CABIN1: variants seen among roughly 807,000 people sequenced by gnomAD.
The protein encoded by CABIN1 is calcineurin binding protein 1.
Under a neutral mutation model 227.7 loss-of-function variants are expected in CABIN1, and 133 were observed. That is an observed-to-expected ratio of 0.58 (90% CI 0.51 to 0.67). The LOEUF is 0.67. Ranked by LOEUF, CABIN1 falls within the 30% of genes least tolerant of loss-of-function variation. The pLI, the probability that CABIN1 is intolerant of heterozygous loss-of-function variation, is 0.00. For synonymous variants in CABIN1, 1,086 were observed against 1,155.1 expected, an observed-to-expected ratio of 0.94 and a Z score of 1.21; for missense variants, 2,408 against 2,852.5, an observed-to-expected ratio of 0.84 and a Z score of 3.55.
chr22:24,098,827 T>C (rs1156266920), intron 26 of CABIN1, among the ~76,000 whole-genome samples: 2 of 152,172 alleles, frequency 1.3e-5, no homozygotes, highest in Non-Finnish European at 2.9e-5. Flanking sequence ...AGTGATAAGC[T>C]AGTGACAAAG....
Position 24,167,066 on chromosome 22 carries a change from C to T in CABIN1, c.5435C>T (p.Pro1812Leu), listed in dbSNP as rs529900288. Residue 1812 changes from proline to leucine, a missense_variant, in exon 32 of 37, where the codon CCG becomes CTG. Pro to Leu is a moderately conservative substitution (Grantham distance 98, BLOSUM62 -3). Transcript: ENST00000263119. ...LSISARQQPTPLTPAQPAPAP... is the reference protein window; with the variant it reads ...LSISARQQPTLLTPAQPAPAP... ...ATCAGTGCCCGGCAGCAGCCCACCCCGCTCACCCCAGCCCAGCCAGCCCCC... is the reference window on the plus strand; with the variant it reads ...ATCAGTGCCCGGCAGCAGCCCACCCTGCTCACCCCAGCCCAGCCAGCCCCC... The T allele has an allele frequency of 9.7e-6, 15 of 1,545,142 alleles. No homozygotes were observed. The highest frequency in any genetic ancestry group is 8.2e-5 in the African/African-American group (6 of 72,990).
At chr22:24,015,414 G>A (rs1027707871) in intron 1 of CABIN1, among the ~76,000 whole-genome samples, 19 of 148,200 alleles carry the variant, frequency 1.3e-4, no homozygotes, top group Non-Finnish European at 1.2e-4. Context: ...GCGCTATCTC[G>A]GCTCACTGCA....
intron 16 of CABIN1, among the ~76,000 whole-genome samples, chr22:24,067,781 T>C (rs564850905): frequency 6.6e-5 from 10 of 152,254 alleles, no homozygotes; most frequent in African/African-American, 2.2e-4. Context: ...ATGACCAATG[T>C]CCTTAGCTCA....
intron 31 of CABIN1, 133 bp from the exon 32 acceptor site, chr22:24,166,506 C>A: frequency 9.0e-7 from 1 of 1,107,702 alleles, no homozygotes; most frequent in East Asian, 2.3e-5. Context: ...ACAGCCCTGG[C>A]CAGCTGGCAG....
At chr22:24,018,422 A>G (rs564716132) in intron 1 of CABIN1, among the ~76,000 whole-genome samples, 1 of 152,320 alleles carries the variant, frequency 6.6e-6, no homozygotes, top group South Asian at 2.1e-4. Flanking sequence ...ATTCACCAGT[A>G]TCTCCTTTAG....
chr22:24,143,442 C>T (rs2148363491), intron 29 of CABIN1, among the ~76,000 whole-genome samples: 1 of 152,332 alleles, frequency 6.6e-6, no homozygotes, highest in South Asian at 2.1e-4. Flanking sequence ...TGTCTGCTAG[C>T]CTGAGCCCCC....
intron 25 of CABIN1, 77 bp downstream of exon 25, chr22:24,096,159 T>C: frequency 6.6e-7 from 1 of 1,515,438 alleles, no homozygotes; most frequent in Non-Finnish European, 9.2e-7. Context: ...TGCAATGTGT[T>C]GTTCAGAGGG....
At chr22:24,038,634 T>A (rs2147025040) in intron 4 of CABIN1, among the ~76,000 whole-genome samples, 173 bp downstream of exon 4, 1 of 152,278 alleles carries the variant, frequency 6.6e-6, no homozygotes, top group Admixed American at 6.5e-5. Context: ...CTCATTGAGT[T>A]TTTATGAGGG....
chr22:24,011,451 T>A (rs1239019163), intron 1 of CABIN1, 84 bp downstream of exon 1: 5 of 152,438 alleles, frequency 3.3e-5, no homozygotes, highest in African/African-American at 1.2e-4. Flanking sequence ...CCGGAGGGGC[T>A]GCAGGCGCGA....
At chr22:24,172,075 G>T in intron 34 of CABIN1, 80 bp downstream of exon 34, 1 of 1,503,912 alleles carries the variant, frequency 6.6e-7, no homozygotes, top group South Asian at 1.2e-5. Flanking sequence ...TGTGAGTATG[G>T]GTAAGGGAGG....
At chr22:24,049,356 C>T (rs1311202503) in intron 7 of CABIN1, 136 bp downstream of exon 7, 7 of 1,086,350 alleles carry the variant, frequency 6.4e-6, no homozygotes, top group Non-Finnish European at 9.6e-6. Context: ...CTGCCGCAGC[C>T]CCTGATCTAG....
chr22:24,038,362 T>C lies in CABIN1; in HGVS notation c.111T>C (p.Phe37=). 6.2e-7 allele frequency: 1 copy of C among 1,613,834 alleles called. No homozygotes were observed. Among genetic ancestry groups the C allele is most frequent in the Admixed American group, 1.7e-5 (1 of 60,034 alleles). The change falls in exon 4 of 37, where the codon TTT becomes TTC. Residue 37 remains phenylalanine, a synonymous_variant. Coordinates refer to ENST00000263119, the MANE Select transcript of CABIN1 (RefSeq NM_012295.4). ...QTKEAQEAEA[F]ALYHKALDLQ... Reference sequence around the variant, plus strand: ...TTGATTTGCAGGAAGCAGAGGCTTTTGCATTGTACCACAAGGCCCTTGATC... The same window carrying C: ...TTGATTTGCAGGAAGCAGAGGCTTTCGCATTGTACCACAAGGCCCTTGATC...
chr22:24,059,335 A>G lies in CABIN1; in HGVS notation c.1371A>G (p.Ser457=), dbSNP rs1490490749. 2.2e-5 allele frequency: 35 copies of G among 1,614,194 alleles called. No homozygotes were observed. The highest frequency in any genetic ancestry group is 2.7e-5 in the Non-Finnish European group (32 of 1,180,018). Residue 457 remains serine (S), a synonymous_variant, in exon 11 of 37, where the codon TCA becomes TCG. Coordinates refer to ENST00000263119, the MANE Select transcript of CABIN1 (RefSeq NM_012295.4). ...SFPSIGPQRL[S]FDSATFMESE... ...CAAGCATTGGGCCTCAAAGGCTGTCATTTGACTCAGCCACATTCATGGAAT... is the reference window on the plus strand; with the variant it reads ...CAAGCATTGGGCCTCAAAGGCTGTCGTTTGACTCAGCCACATTCATGGAAT...
intron 20 of CABIN1, 89 bp from the exon 21 acceptor site, chr22:24,084,490 G>GA: frequency 9.5e-7 from 1 of 1,050,230 alleles, no homozygotes; most frequent in South Asian, 1.3e-5. Context: ...ATTTACATTG[G>GA]ACAAAGTGCG....
At chr22:24,013,360 C>T (rs2034985287) in intron 1 of CABIN1, among the ~76,000 whole-genome samples, 1 of 151,866 alleles carries the variant, frequency 6.6e-6, no homozygotes, top group Admixed American at 6.6e-5. Context: ...CCATACCCTG[C>T]TAGTTTTTTG....
chr22:24,134,966 A>G (rs1262531732), intron 29 of CABIN1, among the ~76,000 whole-genome samples: 1 of 151,832 alleles, frequency 6.6e-6, no homozygotes, highest in Non-Finnish European at 1.5e-5. Context: ...AATCCCAGCT[A>G]CTCAGGAAGC....
intron 19 of CABIN1, among the ~76,000 whole-genome samples, chr22:24,077,191 TC>T (rs1414545263): frequency 2.0e-5 from 3 of 152,140 alleles, no homozygotes; most frequent in African/African-American, 7.2e-5. Context: ...CTCCCCATCT[TC>T]CTGTGCTTTC....
rs150689358 is a variant in CABIN1 at position 24,087,579 on chromosome 22, C to T, written c.3391C>T (p.Arg1131Trp). 128 of 1,614,170 alleles carry T rather than the reference C, an allele frequency of 7.9e-5. No individual in the cohort carries two copies. Among genetic ancestry groups the T allele is most frequent in the South Asian group, 5.7e-4 (52 of 91,070 alleles). Reference protein sequence around the residue: ...HATPVLNCFRRALEIDSSNLS... With the variant: ...HATPVLNCFRWALEIDSSNLS... Reference sequence around the variant, plus strand: ...CACGCCCGTCTTGAACTGCTTCCGTCGGGCCCTGGAGATTGACAGCTCCAA... The same window carrying T: ...CACGCCCGTCTTGAACTGCTTCCGTTGGGCCCTGGAGATTGACAGCTCCAA... Residue 1131 changes from arginine to tryptophan, a missense_variant, in exon 23 of 37, where the codon CGG becomes TGG. Physicochemically the swap from Arg to Trp is moderately radical, Grantham distance 101. This residue lies in a region of CABIN1 where 649 missense variants were observed against 910.3 expected (regional missense o/e 0.71). Transcript: ENST00000263119.
At chr22:24,163,075 G>T (rs1288288485) in intron 29 of CABIN1, among the ~76,000 whole-genome samples, 1 of 152,226 alleles carries the variant, frequency 6.6e-6, no homozygotes. Context: ...GGAAGATGCA[G>T]CATTGATGTT....
Sources: gnomAD v4.1 joint callset for allele counts (sites outside exome capture counted in the v4.1 genomes callset) on GRCh38, gnomAD v4.1.1 for gene constraint, gnomAD v4.1.1 regional missense constraint, MANE v1.5 for transcripts, NCBI Gene and HGNC (gene_info 2026-07-23, HGNC 2026-07-21) for gene names.